The following CELF2 variants were observed in gnomAD, a reference collection of about 807,000 sequenced individuals.
CELF2 encodes CUGBP Elav-like family member 2.
CELF2 carries 8 observed loss-of-function variants against 62.6 expected under a neutral mutation model. That is an observed-to-expected ratio of 0.13 (90% CI 0.07 to 0.23). The LOEUF (loss-of-function observed/expected upper bound fraction) is 0.23, where lower values mean the gene tolerates loss of function less well. Among genes scored for constraint, CELF2 ranks in the 10% least tolerant of loss-of-function variants. The pLI is 1.00. For missense variants in CELF2, 333 were observed against 671.0 expected, an observed-to-expected ratio of 0.50 and a Z score of 5.56; for synonymous variants, 258 against 250.0, an observed-to-expected ratio of 1.03 and a Z score of -0.30.
At chr10:10,977,385 G>T (rs548047402) in intron 2 of CELF2, among the ~76,000 whole-genome samples, 1 of 152,200 alleles carries the variant, frequency 6.6e-6, no homozygotes, top group Non-Finnish European at 1.5e-5. Context: ...AGTCTTTGGG[G>T]GATATTGTAC....
the CELF2 span, among the ~76,000 whole-genome samples, chr10:10,788,196 G>A: frequency 1.3e-5 from 2 of 152,078 alleles, no homozygotes; most frequent in African/African-American, 2.4e-5. Context: ...CAGTCTATAA[G>A]AATGTAGCTG....
In CELF2 at chr10:11,178,937, A is replaced by T. The variant is rs938407890; in HGVS notation, c.271+13255A>T. 2.0e-5 allele frequency among the ~76,000 whole-genome samples: 3 copies of T among 152,222 alleles called. No homozygotes were observed. The highest frequency in any genetic ancestry group is 4.4e-5 in the Non-Finnish European group (3 of 68,036). On this transcript the variant is annotated intron_variant, in intron 2 of 12. Transcript: ENST00000633077. This position sits in a 1 kb window ranked among gnomAD's most constrained non-coding sequence, Gnocchi z 4.3. ...TTTTTAGAACACTTCAAAGTCAGGA[A>T]ACCGTTAAACCACACTGCATCCTCT... is the stretch of plus-strand genomic sequence containing the variant.
Position 10,893,430 on chromosome 10 carries a change from G to C in CELF2, c.54-26534G>C, listed in dbSNP as rs114754753. On this transcript the variant is annotated intron_variant, in intron 1 of 13. Transcript: ENST00000636488. The stretch of plus-strand genomic sequence containing the variant: ...TAAACCCAGGAGTCAGGCAGGAGTA[G>C]GAGGCAAGATTTACAAGTCACCACT... Among the ~76,000 whole-genome samples the C allele has an allele frequency of 2.2e-3, 339 of 152,306 alleles. 1 individual carries two copies. The highest frequency in any genetic ancestry group is 7.7e-3 in the African/African-American group (322 of 41,570).
Position 11,270,556 on chromosome 10 carries a change from A to G in CELF2, c.619-110A>G. The G allele has an allele frequency of 1.1e-6, 1 of 947,504 alleles. No individual in the cohort carries two copies. The highest frequency in any genetic ancestry group is 3.1e-5 in the Admixed American group (1 of 32,520). The allele number at this position is 947,504 out of a possible 1,614,324, so 58.7% of individuals were successfully genotyped here. A position where few individuals can be genotyped will look rare whatever the true frequency, so the allele number is the denominator to read the frequency against. ...AAACCGTTTTAAACCATTTCAGCCC[A>G]TTCCATGTGCTCCAGGCTAGTGCAG... On this transcript the variant is annotated intron_variant, in intron 6 of 12. Coordinates refer to ENST00000633077, the MANE Select transcript of CELF2 (RefSeq NM_001326342.2). The surrounding 1 kb of genome is among the most constrained non-coding windows in gnomAD (Gnocchi z 5.8).
intron 3 of CELF2, among the ~76,000 whole-genome samples, chr10:11,219,830 G>A (rs1187806190): frequency 1.3e-5 from 2 of 152,176 alleles, no homozygotes; most frequent in African/African-American, 4.8e-5. Context: ...TTGATTACAA[G>A]CCTTGAAATT....
chr10:10,555,850 T>G, the CELF2 span, among the ~76,000 whole-genome samples: 1 of 152,314 alleles, frequency 6.6e-6, no homozygotes, highest in African/African-American at 2.4e-5. Context: ...GAAGAGCCTC[T>G]TCGGGCTCTT....
chr10:11,257,254 G>A (rs990538560), intron 4 of CELF2, among the ~76,000 whole-genome samples: 6 of 146,228 alleles, frequency 4.1e-5, no homozygotes, highest in South Asian at 2.1e-4. Context: ...AGTTTCATTC[G>A]CTGTTTCGCT....
At chr10:10,728,253 A>G in the CELF2 span, among the ~76,000 whole-genome samples, 2 of 151,568 alleles carry the variant, frequency 1.3e-5, no homozygotes, top group South Asian at 4.2e-4. Context: ...AGCCTGACCA[A>G]CGTGGCAAAA....
chr10:10,631,782 G>T, the CELF2 span, among the ~76,000 whole-genome samples: 5 of 152,162 alleles, frequency 3.3e-5, no homozygotes, highest in Middle Eastern at 3.4e-3. Context: ...GAAAAATAAG[G>T]TTCTAAAAAA....
chr10:10,525,768 G>A, the CELF2 span, among the ~76,000 whole-genome samples: 1 of 152,150 alleles, frequency 6.6e-6, no homozygotes, highest in Non-Finnish European at 1.5e-5. Context: ...TATCTTTCCT[G>A]TTGTCTAAAA....
At chr10:10,911,637 T>C (rs1471027161) in intron 1 of CELF2, among the ~76,000 whole-genome samples, 1 of 152,228 alleles carries the variant, frequency 6.6e-6, no homozygotes, top group East Asian at 1.9e-4. Context: ...TCCGCAAGCC[T>C]GGGCCTGGGG....
chr10:10,601,757 G>C, the CELF2 span, among the ~76,000 whole-genome samples: 1 of 150,606 alleles, frequency 6.6e-6, no homozygotes, highest in Non-Finnish European at 1.5e-5. Flanking sequence ...AAGTTCCGGG[G>C]TACATGTGCA....
Position 11,227,815 on chromosome 10 carries a change from G to A in CELF2, c.354+10308G>A, listed in dbSNP as rs930113233. Among the ~76,000 whole-genome samples the A allele has an allele frequency of 5.3e-5, 8 of 152,158 alleles. No individual in the cohort carries two copies. Among genetic ancestry groups the A allele is most frequent in the Admixed American group, 1.3e-4 (2 of 15,276 alleles). ...TCAGGGACGAGGGTACCGAGTGAGA[G>A]CAAAGGATAGGCTCCTGCAAACTCA... On this transcript the variant is annotated intron_variant, in intron 3 of 12. Transcript: ENST00000633077. The surrounding 1 kb of genome is among the most constrained non-coding windows in gnomAD (Gnocchi z 4.8).
chr10:10,777,432 G>A, the CELF2 span, among the ~76,000 whole-genome samples: 11 of 152,202 alleles, frequency 7.2e-5, no homozygotes, highest in South Asian at 1.0e-3. Flanking sequence ...CAAGCTGTCC[G>A]AGCTGGCATC....
chr10:11,163,451 C>T (rs749300442), intron 1 of CELF2, among the ~76,000 whole-genome samples: 13 of 152,196 alleles, frequency 8.5e-5, no homozygotes, highest in Non-Finnish European at 1.9e-4. Flanking sequence ...GCCTCCACCC[C>T]GCTACAGCCA....
At chr10:11,055,455 A>G (rs1354327274) in intron 1 of CELF2, among the ~76,000 whole-genome samples, 1 of 152,250 alleles carries the variant, frequency 6.6e-6, no homozygotes, top group African/African-American at 2.4e-5. Flanking sequence ...TTTCCTGGGA[A>G]TAGTTTTAAT....
the CELF2 span, among the ~76,000 whole-genome samples, chr10:10,486,800 T>C: frequency 6.6e-6 from 1 of 152,162 alleles, no homozygotes; most frequent in Non-Finnish European, 1.5e-5. Flanking sequence ...CTGGAGTTTG[T>C]ACCCTAACTT....
At chr10:10,572,579 C>G in the CELF2 span, among the ~76,000 whole-genome samples, 2 of 151,784 alleles carry the variant, frequency 1.3e-5, no homozygotes, top group Non-Finnish European at 2.9e-5. Flanking sequence ...CATTGTTCAG[C>G]TCCCACTTAT....
chr10:10,871,391 TA>T (rs2060737460), intron 1 of CELF2, among the ~76,000 whole-genome samples: 1 of 152,228 alleles, frequency 6.6e-6, no homozygotes, highest in South Asian at 2.1e-4. Flanking sequence ...TTATTTTCTT[TA>T]GAAGATTTCT....
Sources: allele counts gnomAD v4.1 joint callset (sites outside exome capture counted in the v4.1 genomes callset), GRCh38; gene constraint gnomAD v4.1.1; non-coding constraint Gnocchi (gnomAD v3.1); transcripts MANE v1.5; gene names NCBI Gene and HGNC (gene_info 2026-07-23, HGNC 2026-07-21).